ZNF892: variants seen among roughly 807,000 people sequenced by gnomAD.
ZNF892 encodes the protein zinc finger protein 892, also known as zinc finger protein 570-like.
chr2:95,248,777 G>A, the ZNF892 span, among the ~76,000 whole-genome samples: 1 of 152,126 alleles, frequency 6.6e-6, no homozygotes, highest in South Asian at 2.1e-4. Flanking sequence ...CTTTTCCTCA[G>A]AACTTCTGCA....
At chr2:95,241,154 A>G in the ZNF892 span, among the ~76,000 whole-genome samples, 1 of 152,166 alleles carries the variant, frequency 6.6e-6, no homozygotes, top group Admixed American at 6.5e-5. Context: ...TGCTCTACCA[A>G]AAAGCAGCCA....
the ZNF892 span, among the ~76,000 whole-genome samples, chr2:95,218,950 G>A: frequency 4.6e-5 from 7 of 152,242 alleles, no homozygotes; most frequent in South Asian, 2.1e-4. Context: ...AATTGGGGTC[G>A]TGGGGACATA....
At chr2:95,218,386 G>C in the ZNF892 span, among the ~76,000 whole-genome samples, 1 of 152,222 alleles carries the variant, frequency 6.6e-6, no homozygotes, top group East Asian at 1.9e-4. Flanking sequence ...TCACTCTCAA[G>C]TTCTGCCTTT....
the ZNF892 span, among the ~76,000 whole-genome samples, chr2:95,224,957 C>G: frequency 4.6e-5 from 7 of 152,192 alleles, no homozygotes; most frequent in Non-Finnish European, 8.8e-5. Flanking sequence ...AATGATGCAG[C>G]AAGAAGGCCC....
the ZNF892 span, among the ~76,000 whole-genome samples, chr2:95,251,948 A>G: frequency 6.6e-6 from 1 of 152,164 alleles, no homozygotes; most frequent in African/African-American, 2.4e-5. Flanking sequence ...TCTAATTCTT[A>G]CAAATGTTTT....
At chr2:95,233,672 CAAAAAAAA>C in the ZNF892 span, among the ~76,000 whole-genome samples, 1 of 35,174 alleles carries the variant, frequency 2.8e-5, no homozygotes, top group African/African-American at 1.3e-4. Context: ...GACTCCATCT[CAAAAAAAA>C]AAAAAAAAAA....
chr2:95,260,941 C>T, the ZNF892 span, among the ~76,000 whole-genome samples: 5 of 152,322 alleles, frequency 3.3e-5, no homozygotes, highest in Middle Eastern at 3.4e-3. Flanking sequence ...AAGGTGAGGG[C>T]GGCCTGCAGC....
chr2:95,224,768 G>C, the ZNF892 span, among the ~76,000 whole-genome samples: 1 of 152,236 alleles, frequency 6.6e-6, no homozygotes, highest in South Asian at 2.1e-4. Context: ...CAGTGAGGTG[G>C]TTCTGGGAGG....
the ZNF892 span, among the ~76,000 whole-genome samples, chr2:95,244,775 A>T: frequency 6.6e-6 from 1 of 152,210 alleles, no homozygotes; most frequent in Admixed American, 6.5e-5. Context: ...TCTAAAATTG[A>T]TCACATATTT....
At chr2:95,227,317 AT>A in the ZNF892 span, among the ~76,000 whole-genome samples, 7 of 151,864 alleles carry the variant, frequency 4.6e-5, no homozygotes, top group East Asian at 1.4e-3. Flanking sequence ...CAGCATGTGT[AT>A]TTTTTTATTT....
the ZNF892 span, among the ~76,000 whole-genome samples, chr2:95,243,703 T>A: frequency 6.7e-5 from 10 of 150,264 alleles, no homozygotes; most frequent in South Asian, 2.1e-3. Context: ...GCAGCCACCC[T>A]GTCCGGGAGG....
chr2:95,237,141 C>CT, the ZNF892 span, among the ~76,000 whole-genome samples: 1,692 of 133,510 alleles, frequency 0.013, 17 homozygotes, highest in African/African-American at 0.015. Context: ...GATCAGTGAG[C>CT]TTTTTTTTTT....
At chr2:95,240,816 C>T in the ZNF892 span, among the ~76,000 whole-genome samples, 3 of 152,282 alleles carry the variant, frequency 2.0e-5, no homozygotes, top group East Asian at 1.9e-4. Flanking sequence ...TCAACTCAGC[C>T]GTTCCAGCCT....
At chr2:95,244,596 G>T in the ZNF892 span, among the ~76,000 whole-genome samples, 1 of 152,120 alleles carries the variant, frequency 6.6e-6, no homozygotes, top group African/African-American at 2.4e-5. Flanking sequence ...AATAGTGCAA[G>T]ACCTTAACAC....
chr2:95,260,894 G>C, the ZNF892 span, among the ~76,000 whole-genome samples: 143 of 152,310 alleles, frequency 9.4e-4, 1 homozygote, highest in African/African-American at 3.3e-3. Flanking sequence ...GCACATGGAA[G>C]ACTGGAGTCC....
chr2:95,251,721 A>G, the ZNF892 span, among the ~76,000 whole-genome samples: 3 of 152,266 alleles, frequency 2.0e-5, no homozygotes, highest in Admixed American at 6.5e-5. Context: ...TTGCGTCCCT[A>G]TCTGACAGAG....
chr2:95,207,481 G>A, the ZNF892 span: 1 of 236,678 alleles, frequency 4.2e-6, no homozygotes, highest in Non-Finnish European at 8.1e-6. Flanking sequence ...TTGGGAGTGA[G>A]GGCCGTCAGC....
the ZNF892 span, among the ~76,000 whole-genome samples, chr2:95,240,826 T>C: frequency 6.6e-6 from 1 of 152,190 alleles, no homozygotes; most frequent in South Asian, 2.1e-4. Flanking sequence ...CGTTCCAGCC[T>C]GTCCAAATGG....
chr2:95,237,239 C>G, the ZNF892 span, among the ~76,000 whole-genome samples: 1 of 151,826 alleles, frequency 6.6e-6, no homozygotes, highest in Non-Finnish European at 1.5e-5. Flanking sequence ...CCTCCACCTC[C>G]TGGGTTCAAG....
Sources: allele counts gnomAD v4.1 joint callset (sites outside exome capture counted in the v4.1 genomes callset), GRCh38; gene constraint gnomAD v4.1.1; transcripts MANE v1.5; gene names NCBI Gene and HGNC (gene_info 2026-07-23, HGNC 2026-07-21).